The following QTMAN variants were observed in gnomAD, a reference collection of about 807,000 sequenced individuals.
QTMAN encodes the protein tRNA-queuosine alpha-mannosyltransferase.
At chr2:144,322,836 T>C in the QTMAN span, among the ~76,000 whole-genome samples, 27 of 152,290 alleles carry the variant, frequency 1.8e-4, no homozygotes, top group South Asian at 5.2e-3. Context: ...TTTGAAAATA[T>C]TGGCTCACTG....
chr2:143,952,222 C>T, the QTMAN span: 1 of 609,512 alleles, frequency 1.6e-6, no homozygotes, highest in Non-Finnish European at 3.0e-6. Context: ...GTTACCTCAG[C>T]TCACAAGGAT....
chr2:143,983,734 A>G, the QTMAN span, among the ~76,000 whole-genome samples: 1 of 152,224 alleles, frequency 6.6e-6, no homozygotes, highest in East Asian at 1.9e-4. Context: ...CGGCCTCCCA[A>G]AGTGCTAGGA....
chr2:144,317,032 C>A, the QTMAN span, among the ~76,000 whole-genome samples: 1 of 152,152 alleles, frequency 6.6e-6, no homozygotes, highest in Non-Finnish European at 1.5e-5. Context: ...TGGAGACTTA[C>A]TAAACAGTTC....
the QTMAN span, among the ~76,000 whole-genome samples, chr2:144,261,505 G>C: frequency 2.6e-5 from 4 of 152,116 alleles, no homozygotes; most frequent in Non-Finnish European, 4.4e-5. Context: ...ATTTCCTCCA[G>C]TTGCTTTTTG....
chr2:143,965,607 G>C, the QTMAN span, among the ~76,000 whole-genome samples: 1 of 152,126 alleles, frequency 6.6e-6, no homozygotes, highest in African/African-American at 2.4e-5. Context: ...TTTTAGGTTG[G>C]ATAATTATTT....
the QTMAN span, among the ~76,000 whole-genome samples, chr2:144,139,255 G>A: frequency 2.6e-5 from 4 of 152,006 alleles, no homozygotes; most frequent in East Asian, 1.9e-4. Context: ...TTCATGTGTC[G>A]ATTATAGGAC....
chr2:144,211,134 G>A, the QTMAN span: 4 of 152,110 alleles, frequency 2.6e-5, no homozygotes, highest in South Asian at 4.1e-4. Flanking sequence ...TCTGGTTCAC[G>A]AGTTATCTGC....
chr2:144,319,843 G>C, the QTMAN span: 1 of 152,050 alleles, frequency 6.6e-6, no homozygotes, highest in African/African-American at 2.4e-5. Flanking sequence ...ATAAATTCTT[G>C]GATGGATTTT....
chr2:143,941,888 G>A, the QTMAN span: 1 of 152,146 alleles, frequency 6.6e-6, no homozygotes, highest in Non-Finnish European at 1.5e-5. Flanking sequence ...AACATCCCAT[G>A]TAGGGAAAGG....
chr2:143,983,974 C>T, the QTMAN span, among the ~76,000 whole-genome samples: 1 of 152,184 alleles, frequency 6.6e-6, no homozygotes, highest in Non-Finnish European at 1.5e-5. Context: ...GATTGCACCT[C>T]TAATCTTGTC....
At chr2:144,301,830 CTTCT>C in the QTMAN span, among the ~76,000 whole-genome samples, 7 of 152,210 alleles carry the variant, frequency 4.6e-5, no homozygotes, top group African/African-American at 1.2e-4. Context: ...GGAGGCATGT[CTTCT>C]TTATCTTTTC....
the QTMAN span, among the ~76,000 whole-genome samples, chr2:143,996,340 T>C: frequency 6.6e-6 from 1 of 152,106 alleles, no homozygotes; most frequent in Non-Finnish European, 1.5e-5. Context: ...ATTACATTTA[T>C]TGGCTAAGAA....
the QTMAN span, among the ~76,000 whole-genome samples, chr2:144,176,626 T>C: frequency 7.0e-4 from 106 of 152,250 alleles, no homozygotes; most frequent in Non-Finnish European, 8.8e-4. Context: ...ATTAGAGAAT[T>C]TGGTAGGCTG....
chr2:144,316,946 T>G, the QTMAN span, among the ~76,000 whole-genome samples: 1 of 152,174 alleles, frequency 6.6e-6, no homozygotes, highest in African/African-American at 2.4e-5. Context: ...ATAAGGAAAT[T>G]GGGATAGTTG....
chr2:144,189,337 G>A, the QTMAN span, among the ~76,000 whole-genome samples: 1 of 152,148 alleles, frequency 6.6e-6, no homozygotes, highest in South Asian at 2.1e-4. Context: ...CTCCTGCAGG[G>A]CAGGGCTATC....
the QTMAN span, among the ~76,000 whole-genome samples, chr2:144,078,545 G>T: frequency 6.6e-6 from 1 of 152,248 alleles, no homozygotes; most frequent in Middle Eastern, 3.4e-3. Context: ...TCCTTCTCAT[G>T]AAAGTAAACC....
chr2:144,141,982 T>C, the QTMAN span: 1 of 1,610,700 alleles, frequency 6.2e-7, no homozygotes, highest in Non-Finnish European at 8.5e-7. Context: ...ATCAGCTTCA[T>C]AAATTTTCCC....
chr2:144,323,920 A>G, the QTMAN span, among the ~76,000 whole-genome samples: 3 of 152,226 alleles, frequency 2.0e-5, no homozygotes, highest in Non-Finnish European at 4.4e-5. Context: ...CAAGGTCACA[A>G]CAGCAACTAT....
At chr2:144,134,101 G>A in the QTMAN span, among the ~76,000 whole-genome samples, 10 of 152,250 alleles carry the variant, frequency 6.6e-5, no homozygotes, top group South Asian at 6.2e-4. Flanking sequence ...GGGGAGCCAC[G>A]GGGGCTGCCT....
Sources: allele counts gnomAD v4.1 joint callset (sites outside exome capture counted in the v4.1 genomes callset), GRCh38; gene constraint gnomAD v4.1.1; transcripts MANE v1.5; gene names NCBI Gene and HGNC (gene_info 2026-07-23, HGNC 2026-07-21).